Variants in MPHOSPH10 observed in about 807,000 individuals in gnomAD.
The protein encoded by MPHOSPH10 is M-phase phosphoprotein 10.
MPHOSPH10 carries 33 observed loss-of-function variants against 77.3 expected under a neutral mutation model. The ratio of observed to expected loss-of-function variants is 0.43; its 90% CI spans 0.32 to 0.57. The LOEUF is 0.57. Among genes scored for constraint, MPHOSPH10 ranks in the 20% least tolerant of loss-of-function variants. MPHOSPH10 has a pLI of 0.07. For missense variants in MPHOSPH10, 708 were observed against 780.1 expected (o/e 0.91, Z 1.10); for synonymous variants, 245 against 268.0 (o/e 0.91, Z 0.84).
At chr2:71,142,409 G>C (rs1005879737) in intron 7 of MPHOSPH10, among the ~76,000 whole-genome samples, 3 of 152,170 alleles carry the variant, frequency 2.0e-5, no homozygotes, top group Admixed American at 6.5e-5. Flanking sequence ...GGTATTTGAT[G>C]ACCACGAGAA....
rs961602840 is a variant in MPHOSPH10 at position 71,138,640 on chromosome 2, C to G, written c.1240+9C>G. 4 of 1,613,962 alleles carry G rather than the reference C, an allele frequency of 2.5e-6. No individual in the cohort carries two copies. The highest frequency in any genetic ancestry group is 1.7e-5 in the Admixed American group (1 of 59,990). ...CCATGCTGTCCGGATGGGTATGGTG[C>G]CCTCTTCTGTAGTTTTCATGTCTGT... On this transcript the variant is annotated intron_variant, in intron 5 of 10. Transcript: ENST00000244230.
chr2:71,147,306 A>G (rs1047376818), intron 8 of MPHOSPH10, among the ~76,000 whole-genome samples: 15 of 152,292 alleles, frequency 9.8e-5, no homozygotes. Flanking sequence ...GAATGTCCAC[A>G]TGCATGGTAG....
At chr2:71,136,069 A>T (rs1673483621) in intron 4 of MPHOSPH10, among the ~76,000 whole-genome samples, 1 of 152,126 alleles carries the variant, frequency 6.6e-6, no homozygotes, top group Non-Finnish European at 1.5e-5. Flanking sequence ...CAGAATTTTA[A>T]TTTATACCAT....
intron 4 of MPHOSPH10, among the ~76,000 whole-genome samples, chr2:71,137,918 C>T (rs1343142902): frequency 6.6e-6 from 1 of 151,864 alleles, no homozygotes; most frequent in Non-Finnish European, 1.5e-5. Flanking sequence ...TTGGTGAAAC[C>T]CCGTCTCTAC....
At position 71,146,063 on chromosome 2, in the gene MPHOSPH10, G is replaced by A. The variant is rs371205382; in HGVS notation, c.1557+1525G>A. Among the ~76,000 whole-genome samples the A allele has an allele frequency of 4.8e-4, 73 of 152,326 alleles. 1 individual carries two copies. In the South Asian group the frequency reaches 0.014, roughly 30 times the overall value. On this transcript the variant is annotated intron_variant, in intron 8 of 10. Coordinates refer to ENST00000244230, the MANE Select transcript of MPHOSPH10 (RefSeq NM_005791.3). ...CTCTCTACTTGTCTTCAGGCAGCAC[G>A]AAATGCATCTACTGTTCCACTCTGT...
intron 6 of MPHOSPH10, among the ~76,000 whole-genome samples, chr2:71,140,470 C>T (rs1372683010): frequency 6.6e-6 from 1 of 152,154 alleles, no homozygotes; most frequent in African/African-American, 2.4e-5. Context: ...AATGCAACTG[C>T]CATTCATGAG....
chr2:71,137,656 CAAAAA>C (rs60072810), intron 4 of MPHOSPH10, among the ~76,000 whole-genome samples: 3 of 46,358 alleles, frequency 6.5e-5, no homozygotes, highest in South Asian at 7.1e-4. Flanking sequence ...GAGACTGTCT[CAAAAA>C]AAAAAAAAAA....
At chr2:71,145,970 C>G (rs1290232481) in intron 8 of MPHOSPH10, among the ~76,000 whole-genome samples, 2 of 152,244 alleles carry the variant, frequency 1.3e-5, no homozygotes, top group Non-Finnish European at 2.9e-5. Context: ...TGCTGCATGT[C>G]TCACCACTTG....
At chr2:71,130,824 C>G in intron 1 of MPHOSPH10, 70 bp downstream of exon 1, 4 of 1,426,456 alleles carry the variant, frequency 2.8e-6, no homozygotes, top group Non-Finnish European at 3.9e-6. Context: ...AGGCCTCCGG[C>G]AAATTGTGGA....
At chr2:71,144,979 T>C (rs907901087) in intron 8 of MPHOSPH10, among the ~76,000 whole-genome samples, 87 of 152,212 alleles carry the variant, frequency 5.7e-4, no homozygotes, top group Non-Finnish European at 1.0e-3. Context: ...TAACACTTAA[T>C]GCACACAACA....
At chr2:71,140,408 G>T (rs1244622824) in intron 6 of MPHOSPH10, among the ~76,000 whole-genome samples, 1 of 152,078 alleles carries the variant, frequency 6.6e-6, no homozygotes, top group Non-Finnish European at 1.5e-5. Context: ...GGTGTCTCTT[G>T]CTCTTCTTAA....
chr2:71,130,721 G>A lies in MPHOSPH10; in HGVS notation c.56G>A (p.Gly19Asp). 6.2e-7 allele frequency: 1 copy of A among 1,610,676 alleles called. No individual in the cohort carries two copies. The highest frequency in any genetic ancestry group is 8.5e-7 in the Non-Finnish European group (1 of 1,179,198). Residue 19 changes from glycine (G) to aspartate (D), a missense_variant, in exon 1 of 11, where the codon GGC becomes GAC. Physicochemically the swap from Gly to Asp is moderately conservative, Grantham distance 94. Coordinates refer to ENST00000244230, the MANE Select transcript of MPHOSPH10 (RefSeq NM_005791.3). The stretch of plus-strand genomic sequence containing the variant: ...CTGGAGCGGTGTCTGACGGAAGTCG[G>A]CAAAGCCACGGGTCGGCCCGAGTGC... ...RTLERCLTEV[G>D]KATGRPECFL...
intron 1 of MPHOSPH10, among the ~76,000 whole-genome samples, chr2:71,131,437 T>C (rs1214905338): frequency 2.0e-5 from 3 of 152,208 alleles, no homozygotes; most frequent in Admixed American, 2.0e-4. Context: ...GTCTGTTTAA[T>C]AGAATTGTTG....
At chr2:71,140,631 T>G (rs1017218442) in intron 6 of MPHOSPH10, among the ~76,000 whole-genome samples, 11 of 152,188 alleles carry the variant, frequency 7.2e-5, no homozygotes, top group Non-Finnish European at 8.8e-5. Context: ...TTCTCAATGG[T>G]GTATTTTTTT....
At position 71,138,619 on chromosome 2, in the gene MPHOSPH10, G is replaced by A. The variant is rs1673543450; in HGVS notation, c.1228G>A (p.Ala410Thr). ...LLEETLHFDH[A>T]VRMAPVITEE... ...GGAGGAGACCCTACACTTTGACCAT[G>A]CTGTCCGGATGGGTATGGTGCCCTC... The change falls in exon 5 of 11, where the codon GCT becomes ACT. Residue 410 changes from alanine to threonine, a missense_variant. Around this residue, in one of 3 missense-constraint regions of MPHOSPH10, gnomAD observed 263 missense variants for 320.0 expected, o/e 0.82. Transcript: ENST00000244230. 4.3e-6 allele frequency: 7 copies of A among 1,614,154 alleles called. No individual in the cohort carries two copies. The highest frequency in any genetic ancestry group is 5.9e-6 in the Non-Finnish European group (7 of 1,180,024).
At chr2:71,142,322 T>C (rs192457421) in intron 7 of MPHOSPH10, among the ~76,000 whole-genome samples, 1 of 152,338 alleles carries the variant, frequency 6.6e-6, no homozygotes, top group African/African-American at 2.4e-5. Context: ...CTGGCTGCCT[T>C]GCAATCCAAG....
At chr2:71,146,035 T>C (rs1673700127) in intron 8 of MPHOSPH10, among the ~76,000 whole-genome samples, 1 of 152,256 alleles carries the variant, frequency 6.6e-6, no homozygotes, top group South Asian at 2.1e-4. Flanking sequence ...TAGTTGTTCA[T>C]TGCTCTCTAC....
At chr2:71,145,683 T>TGA (rs1026634280) in intron 8 of MPHOSPH10, among the ~76,000 whole-genome samples, 2 of 152,194 alleles carry the variant, frequency 1.3e-5, no homozygotes, top group Non-Finnish European at 2.9e-5. Context: ...CAGGTCTTAC[T>TGA]GAGATGAAGG....
chr2:71,133,859 A>G, intron 2 of MPHOSPH10, 89 bp from the exon 3 acceptor site: 1 of 966,080 alleles, frequency 1.0e-6, no homozygotes, highest in Non-Finnish European at 1.5e-6. Context: ...AAAGTAATAT[A>G]TACATACAAT....
Sources: allele counts gnomAD v4.1 joint callset (sites outside exome capture counted in the v4.1 genomes callset), GRCh38; gene constraint gnomAD v4.1.1; regional missense constraint gnomAD v4.1.1; transcripts MANE v1.5; gene names NCBI Gene and HGNC (gene_info 2026-07-23, HGNC 2026-07-21).